Variants in DAP3 observed in about 807,000 individuals in gnomAD.
The protein encoded by DAP3 is death associated protein 3, also known as small ribosomal subunit protein mS29.
Under a neutral mutation model 51.9 loss-of-function variants are expected in DAP3, and 28 were observed. The observed-to-expected ratio is 0.54, with a 90% CI of 0.40 to 0.74. The LOEUF (loss-of-function observed/expected upper bound fraction) is 0.74. Among genes scored for constraint, DAP3 ranks in the 30% least tolerant of loss-of-function variants. The pLI is 0.00. For missense variants in DAP3, 458 were observed against 483.5 expected, an observed-to-expected ratio of 0.95 and a Z score of 0.49; for synonymous variants, 170 against 170.3, an observed-to-expected ratio of 1.00 and a Z score of 0.01.
intron 2 of DAP3, among the ~76,000 whole-genome samples, chr1:155,716,220 C>T (rs577128351): frequency 2.2e-4 from 34 of 152,274 alleles, no homozygotes; most frequent in African/African-American, 7.9e-4. Flanking sequence ...TGAATAATGT[C>T]ATTGGACTTA....
At position 155,689,092 on chromosome 1, in the gene DAP3, C is replaced by T. The variant is rs747549507; in HGVS notation, c.-90C>T. 4.3e-6 allele frequency: 6 copies of T among 1,410,918 alleles called. No homozygotes were observed. Among genetic ancestry groups the T allele is most frequent in the Admixed American group, 4.2e-5 (2 of 47,242 alleles). The allele number at this position is 1,410,918 out of a possible 1,614,324, so 87.4% of individuals were successfully genotyped here. A position where few individuals can be genotyped will look rare whatever the true frequency, so the allele number is the denominator to read the frequency against. ...TGCCGGATGACCCGACCCTTTTTTG[C>T]AGTCTCAGGACGGGCGCTTTGGAGC... On this transcript the variant is annotated 5_prime_UTR_variant, in exon 1 of 13. Transcript: ENST00000368336.
At chr1:155,712,445 A>G (rs1353296740) in intron 2 of DAP3, among the ~76,000 whole-genome samples, 1 of 151,984 alleles carries the variant, frequency 6.6e-6, no homozygotes, top group African/African-American at 2.4e-5. Context: ...AAACTCCGTC[A>G]CTACTAAAAA....
Position 155,729,063 on chromosome 1 carries a change from G to A in DAP3, c.625G>A (p.Val209Ile). ...LNQIKVQEKYVWNKRESTEKG... is the reference protein window; with the variant it reads ...LNQIKVQEKYIWNKRESTEKG... ...TTAGATAAAAGTTCAAGAGAAGTAT[G>A]TCTGGAATAAGAGAGAAAGCACTGA... Residue 209 changes from valine (V) to isoleucine (I), a missense_variant, in exon 8 of 13, where the codon GTC becomes ATC. Physicochemically the swap from Val to Ile is conservative, Grantham distance 29 (BLOSUM62 3). Transcript: ENST00000368336. The A allele has an allele frequency of 6.2e-7, 1 of 1,613,966 alleles. No individual in the cohort carries two copies. Among genetic ancestry groups the A allele is most frequent in the Admixed American group, 1.7e-5 (1 of 59,958 alleles).
intron 4 of DAP3, among the ~76,000 whole-genome samples, chr1:155,723,095 C>T (rs914726001): frequency 6.6e-6 from 1 of 151,674 alleles, no homozygotes; most frequent in Non-Finnish European, 1.5e-5. Context: ...AATACTGCTC[C>T]TTTTGGAGCA....
intron 1 of DAP3, among the ~76,000 whole-genome samples, chr1:155,692,949 G>A (rs36179578): frequency 1.4e-5 from 2 of 141,940 alleles, no homozygotes; most frequent in Admixed American, 1.3e-4. Flanking sequence ...TTTGAACAGA[G>A]GAGTGTAAAG....
intron 2 of DAP3, among the ~76,000 whole-genome samples, chr1:155,712,775 A>C (rs1335660088): frequency 3.8e-5 from 5 of 131,584 alleles, no homozygotes; most frequent in African/African-American, 8.1e-5. Context: ...ACCCTATGTC[A>C]AAAAAAAAAG....
At chr1:155,712,119 C>T (rs1183797801) in intron 2 of DAP3, among the ~76,000 whole-genome samples, 5 of 152,222 alleles carry the variant, frequency 3.3e-5, no homozygotes, top group East Asian at 1.9e-4. Flanking sequence ...CAATACTTTA[C>T]AGCCTTTAAT....
chr1:155,713,406 A>T (rs1208431528), intron 2 of DAP3, among the ~76,000 whole-genome samples: 1 of 152,244 alleles, frequency 6.6e-6, no homozygotes, highest in Non-Finnish European at 1.5e-5. Flanking sequence ...GTTACTTTAT[A>T]TTAAAATCTA....
Position 155,737,070 on chromosome 1 carries a change from C to G in DAP3, c.1111+7C>G. ...TGGCTTCAACATGAGAAAGGTCCATCATTTAGTTTTTTCCTATCAGGGCTT... is the reference window on the plus strand; with the variant it reads ...TGGCTTCAACATGAGAAAGGTCCATGATTTAGTTTTTTCCTATCAGGGCTT... On this transcript the variant is annotated splice_region_variant and intron_variant, in intron 12 of 12. Transcript: ENST00000368336. The G allele has an allele frequency of 6.3e-7, 1 of 1,597,686 alleles. No homozygotes were observed. The highest frequency in any genetic ancestry group is 8.6e-7 in the Non-Finnish European group (1 of 1,165,442).
chr1:155,690,540 A>G (rs1272662553), intron 1 of DAP3, among the ~76,000 whole-genome samples: 4 of 141,776 alleles, frequency 2.8e-5, no homozygotes, highest in Non-Finnish European at 5.9e-5. Context: ...ACCCTGTCTC[A>G]AAAAAAGAAA....
Position 155,732,035 on chromosome 1 carries a change from T to C in DAP3, c.993+2T>C. ...CTGCCCCAGGAGTTGCTGGGAAAGG[T>C]CAAGTCAAAGGAAAATTTGTTTCTA... On this transcript the variant is annotated splice_donor_variant, in intron 11 of 12. Transcript: ENST00000368336. LOFTEE classifies it high-confidence loss of function. The C allele has an allele frequency of 6.2e-7, 1 of 1,607,534 alleles. No homozygotes were observed. The highest frequency in any genetic ancestry group is 1.1e-5 in the South Asian group (1 of 89,672).
intron 4 of DAP3, among the ~76,000 whole-genome samples, chr1:155,724,927 C>A (rs1375456204): frequency 6.7e-6 from 1 of 150,286 alleles, no homozygotes; most frequent in Non-Finnish European, 1.5e-5. Flanking sequence ...GCACTCCAGC[C>A]TGGGCAACAA....
chr1:155,689,785 G>C (rs1372424109), intron 1 of DAP3, among the ~76,000 whole-genome samples: 1 of 152,100 alleles, frequency 6.6e-6, no homozygotes, highest in Non-Finnish European at 1.5e-5. Flanking sequence ...GGTGGCGGGC[G>C]CCTGTAGCCC....
At chr1:155,731,462 CA>C (rs1282448505) in intron 10 of DAP3, 47 bp downstream of exon 10, 2 of 1,562,070 alleles carry the variant, frequency 1.3e-6, no homozygotes. Flanking sequence ...AATGTATTAT[CA>C]TTTTAAACAT....
intron 1 of DAP3, among the ~76,000 whole-genome samples, chr1:155,702,753 G>A (rs1655469116): frequency 6.6e-6 from 1 of 152,166 alleles, no homozygotes; most frequent in Admixed American, 6.5e-5. Flanking sequence ...GGTGGATCAT[G>A]AGGTCAGGAG....
chr1:155,733,711 C>T (rs1000000316), intron 11 of DAP3, among the ~76,000 whole-genome samples: 11 of 152,012 alleles, frequency 7.2e-5, no homozygotes, highest in African/African-American at 2.4e-4. Flanking sequence ...GTGGTGCGTG[C>T]CTATAGTCCC....
intron 1 of DAP3, among the ~76,000 whole-genome samples, chr1:155,697,898 C>T (rs1449614810): frequency 6.6e-6 from 1 of 152,120 alleles, no homozygotes; most frequent in East Asian, 1.9e-4. Context: ...CCCAGAGCAG[C>T]GATTTTACAG....
At chr1:155,706,020 A>G (rs1028286356) in intron 1 of DAP3, among the ~76,000 whole-genome samples, 2 of 151,868 alleles carry the variant, frequency 1.3e-5, no homozygotes, top group South Asian at 2.1e-4. Flanking sequence ...TTATTTATCT[A>G]TTTATTTAGA....
intron 2 of DAP3, among the ~76,000 whole-genome samples, chr1:155,716,284 GGGCGCGGT>G (rs1225800483): frequency 6.6e-6 from 1 of 152,104 alleles, no homozygotes; most frequent in African/African-American, 2.4e-5. Flanking sequence ...AAATGTTGCC[GGGCGCGGT>G]GGCTCACGCC....
Sources: allele counts gnomAD v4.1 joint callset (sites outside exome capture counted in the v4.1 genomes callset), GRCh38; gene constraint gnomAD v4.1.1; transcripts MANE v1.5; gene names NCBI Gene and HGNC (gene_info 2026-07-23, HGNC 2026-07-21).